TTC28: variants seen among roughly 807,000 people sequenced by gnomAD.
TTC28 encodes tetratricopeptide repeat domain 28.
Under a neutral mutation model 198.0 loss-of-function variants are expected in TTC28, and 61 were observed. That is an observed-to-expected ratio of 0.31 (90% CI 0.25 to 0.38). The LOEUF is 0.38. Among genes scored for constraint, TTC28 ranks in the 10% least tolerant of loss-of-function variants. The pLI, the probability that TTC28 is intolerant of heterozygous loss-of-function variation, is 1.00. For synonymous variants in TTC28, 1,171 were observed against 1,297.8 expected (o/e 0.90, Z 2.10); for missense variants, 2,678 against 3,164.0 (o/e 0.85, Z 3.69).
chr22:28,081,314 G>A (rs1941349779), intron 12 of TTC28, among the ~76,000 whole-genome samples: 1 of 151,738 alleles, frequency 6.6e-6, no homozygotes, highest in Non-Finnish European at 1.5e-5. Flanking sequence ...CCAAGTAGCT[G>A]GGATTACAAG....
intron 2 of TTC28, among the ~76,000 whole-genome samples, chr22:28,443,451 C>G (rs1364557105): frequency 2.0e-5 from 3 of 152,210 alleles, no homozygotes; most frequent in African/African-American, 7.2e-5. Context: ...GTAATCAGAG[C>G]TTCTTTACGC....
At chr22:28,297,355 T>C (rs2044920007) in intron 4 of TTC28, among the ~76,000 whole-genome samples, 1 of 151,522 alleles carries the variant, frequency 6.6e-6, no homozygotes, top group South Asian at 2.1e-4. Flanking sequence ...AAGACACAGG[T>C]ACACCACACC....
intron 6 of TTC28, among the ~76,000 whole-genome samples, chr22:28,155,498 A>G (rs1427168336): frequency 6.6e-6 from 1 of 152,258 alleles, no homozygotes; most frequent in Non-Finnish European, 1.5e-5. Flanking sequence ...ATAGAATAAG[A>G]AGAGAATTTT....
At chr22:28,431,857 A>G (rs994177622) in intron 2 of TTC28, among the ~76,000 whole-genome samples, 1 of 152,068 alleles carries the variant, frequency 6.6e-6, no homozygotes, top group Non-Finnish European at 1.5e-5. Context: ...ATGCACCTGT[A>G]ATCCCAGCTA....
intron 14 of TTC28, chr22:28,001,914 T>C (rs1937713531): frequency 4.6e-6 from 1 of 216,022 alleles, no homozygotes; most frequent in African/African-American, 2.2e-5. Flanking sequence ...CAAGATCTGT[T>C]TTCCATTTCA....
chr22:28,468,935 G>A (rs1481819792), intron 2 of TTC28, among the ~76,000 whole-genome samples: 3 of 152,106 alleles, frequency 2.0e-5, no homozygotes, highest in Non-Finnish European at 4.4e-5. Context: ...CTAGTTGTTA[G>A]ATTCACCCTG....
At chr22:28,192,578 AGT>A (rs1924925502) in intron 5 of TTC28, among the ~76,000 whole-genome samples, 1 of 152,204 alleles carries the variant, frequency 6.6e-6, no homozygotes, top group Non-Finnish European at 1.5e-5. Flanking sequence ...TAGAATAAAC[AGT>A]GTAGAGAAGA....
chr22:28,445,916 C>G (rs1053449268), intron 2 of TTC28, among the ~76,000 whole-genome samples: 2 of 151,942 alleles, frequency 1.3e-5, no homozygotes, highest in Non-Finnish European at 2.9e-5. Context: ...TTCATTCACA[C>G]CACAAGAACA....
At chr22:28,219,242 C>T (rs1030496865) in intron 5 of TTC28, among the ~76,000 whole-genome samples, 2 of 152,150 alleles carry the variant, frequency 1.3e-5, no homozygotes, top group African/African-American at 4.8e-5. Context: ...GGCGTGGTGG[C>T]TCACGCCTGT....
intron 5 of TTC28, among the ~76,000 whole-genome samples, chr22:28,240,509 A>G (rs1929586690): frequency 6.6e-6 from 1 of 152,202 alleles, no homozygotes; most frequent in Admixed American, 6.5e-5. Flanking sequence ...ATACATATGT[A>G]TATATCTGTA....
At chr22:28,017,152 C>A (rs1938408569) in intron 13 of TTC28, among the ~76,000 whole-genome samples, 1 of 152,168 alleles carries the variant, frequency 6.6e-6, no homozygotes, top group Non-Finnish European at 1.5e-5. Flanking sequence ...GAAAGCCAGA[C>A]AAGGCTTGGG....
At chr22:28,143,108 G>C (rs1943380459) in intron 6 of TTC28, among the ~76,000 whole-genome samples, 1 of 152,182 alleles carries the variant, frequency 6.6e-6, no homozygotes, top group Admixed American at 6.5e-5. Flanking sequence ...TGTGGAAACT[G>C]ACTTAATGGC....
chr22:28,088,193 C>T (rs1569131782), intron 12 of TTC28, among the ~76,000 whole-genome samples: 1 of 152,126 alleles, frequency 6.6e-6, no homozygotes. Context: ...AAAAAAGAGC[C>T]CGCATTGCCA....
chr22:28,643,837 T>C (rs1026393507), intron 1 of TTC28, among the ~76,000 whole-genome samples: 1 of 152,222 alleles, frequency 6.6e-6, no homozygotes, highest in African/African-American at 2.4e-5. Context: ...GCACTTAATA[T>C]GCCCCTGGCA....
At chr22:28,463,422 C>G (rs537330647) in intron 2 of TTC28, among the ~76,000 whole-genome samples, 1 of 152,182 alleles carries the variant, frequency 6.6e-6, no homozygotes, top group East Asian at 1.9e-4. Flanking sequence ...GGTATATACC[C>G]AAAGGATTAT....
chr22:28,295,410 T>C (rs2044873917), intron 5 of TTC28, among the ~76,000 whole-genome samples: 1 of 152,244 alleles, frequency 6.6e-6, no homozygotes, highest in Non-Finnish European at 1.5e-5. Context: ...AATTCCTTTG[T>C]GGAATGCCAT....
intron 2 of TTC28, among the ~76,000 whole-genome samples, chr22:28,540,151 T>C (rs2049381476): frequency 6.6e-6 from 1 of 151,978 alleles, no homozygotes; most frequent in African/African-American, 2.4e-5. Context: ...TTTCATCGTA[T>C]TAGCCAGGAT....
At chr22:28,468,241 G>A (rs1422619394) in intron 2 of TTC28, among the ~76,000 whole-genome samples, 6 of 152,170 alleles carry the variant, frequency 3.9e-5, no homozygotes, top group Non-Finnish European at 8.8e-5. Flanking sequence ...CAGCACGTCT[G>A]CAGCTGATCT....
chr22:28,510,024 G>A (rs935410437), intron 2 of TTC28, among the ~76,000 whole-genome samples: 1 of 152,112 alleles, frequency 6.6e-6, no homozygotes, highest in East Asian at 1.9e-4. Context: ...TTCTGAAATT[G>A]AGGCAGAAAT....
Sources: gnomAD v4.1 joint callset for allele counts (sites outside exome capture counted in the v4.1 genomes callset) on GRCh38, gnomAD v4.1.1 for gene constraint, MANE v1.5 for transcripts, NCBI Gene and HGNC (gene_info 2026-07-23, HGNC 2026-07-21) for gene names.